KLK12: variants seen among roughly 807,000 people sequenced by gnomAD.
The protein encoded by KLK12 is kallikrein related peptidase 12.
Under a neutral mutation model 20.0 loss-of-function variants are expected in KLK12, and 23 were observed. The ratio of observed to expected loss-of-function variants is 1.15; its 90% CI spans 0.83 to 1.63. KLK12 has a LOEUF of 1.63. KLK12 is among the 40% of genes most tolerant of loss of function. The pLI is 0.00. For synonymous variants in KLK12, 147 were observed against 141.9 expected (o/e 1.04, Z -0.25); for missense variants, 351 against 338.6 (o/e 1.04, Z -0.29).
Position 51,032,114 on chromosome 19 carries a change from C to G in KLK12, c.219G>C (p.Gly73=). 6.2e-7 allele frequency: 1 copy of G among 1,603,102 alleles called. No homozygotes were observed. The highest frequency in any genetic ancestry group is 1.1e-5 in the South Asian group (1 of 90,252). ...CSGSRYWVRL[G]EHSLSQLDWT... ...AGTCGAGCTGGCTGAGGCTGTGTTC[C>G]CCCAGGCGCACCCAGTACCTGCTGC... Residue 73 remains glycine, a synonymous_variant, in exon 4 of 6, where the codon GGG becomes GGC. Transcript: ENST00000684732.
chr19:51,034,649 A>AG lies in KLK12; in HGVS notation c.-19-10_-19-9insC, dbSNP rs749670490. Reference sequence around the variant, plus strand: ...TGGGTCACTTCCAAAGTCTGGGGGAAAAGGGGAATCTCAGAGGTCACCCTT... The same window carrying AG: ...TGGGTCACTTCCAAAGTCTGGGGGAAGAAGGGGAATCTCAGAGGTCACCCTT... On this transcript the variant is annotated splice_polypyrimidine_tract_variant and intron_variant, in intron 1 of 5. Transcript: ENST00000684732. 42 of 1,605,554 alleles carry AG rather than the reference A, an allele frequency of 2.6e-5. No homozygotes were observed. The highest frequency in any genetic ancestry group is 1.6e-5 in the Non-Finnish European group (19 of 1,176,406).
In KLK12 at chr19:51,031,879, G is replaced by T; in HGVS notation, c.454C>A (p.Arg152=). The T allele has an allele frequency of 1.9e-6, 3 of 1,613,550 alleles. No homozygotes were observed. The highest frequency in any genetic ancestry group is 1.1e-5 in the South Asian group (1 of 91,068). ...CCCCTGGCCCTGGGCCCCTTACTCCGTGGGTGGTTGGTGATGCCCCAGCCT... is the reference window on the plus strand; with the variant it reads ...CCCCTGGCCCTGGGCCCCTTACTCCTTGGGTGGTTGGTGATGCCCCAGCCT... ...VSGWGITNHP[R]NPFPDLLQCL... Residue 152 remains arginine (R), a synonymous_variant, in exon 4 of 6, where the codon CGG becomes AGG. Coordinates refer to ENST00000684732, the MANE Select transcript of KLK12 (RefSeq NM_001370125.1).
chr19:51,029,726 G>A (rs982893325), intron 5 of KLK12, among the ~76,000 whole-genome samples: 2 of 152,204 alleles, frequency 1.3e-5, no homozygotes, highest in African/African-American at 4.8e-5. Flanking sequence ...CCTGACCAAT[G>A]AGGAGAGAGA....
At chr19:51,033,658 C>G (rs1431874120) in intron 3 of KLK12, among the ~76,000 whole-genome samples, 1 of 152,102 alleles carries the variant, frequency 6.6e-6, no homozygotes, top group Non-Finnish European at 1.5e-5. Context: ...TTGGGTGAGA[C>G]CTGGGCCCCG....
At chr19:51,031,302 C>T (rs1193384263) in intron 4 of KLK12, among the ~76,000 whole-genome samples, 1 of 152,006 alleles carries the variant, frequency 6.6e-6, no homozygotes, top group Non-Finnish European at 1.5e-5. Context: ...CCCCATGTCC[C>T]TGTCTTTACC....
intron 3 of KLK12, among the ~76,000 whole-genome samples, chr19:51,033,220 CAAA>C (rs11285439): frequency 9.1e-5 from 10 of 109,892 alleles, no homozygotes; most frequent in East Asian, 2.4e-4. Context: ...ACTCTGTCTC[CAAA>C]AAAAAAAAAA....
intron 4 of KLK12, among the ~76,000 whole-genome samples, chr19:51,031,274 A>G (rs186012013): frequency 6.6e-6 from 1 of 151,976 alleles, no homozygotes; most frequent in African/African-American, 2.4e-5. Flanking sequence ...GCTTGATCTC[A>G]TATCTTCTGT....
In KLK12 at chr19:51,033,572, C is replaced by T. The variant is rs141651701; in HGVS notation, c.197+408G>A. Reference sequence around the variant, plus strand: ...CAGAGACAGCAGTGAGCTGTGATCACGCCATTGCACAGCAGCCTGGGCGAC... The same window carrying T: ...CAGAGACAGCAGTGAGCTGTGATCATGCCATTGCACAGCAGCCTGGGCGAC... On this transcript the variant is annotated intron_variant, in intron 3 of 5. Coordinates refer to ENST00000684732, the MANE Select transcript of KLK12 (RefSeq NM_001370125.1). Among the ~76,000 whole-genome samples, 14 of 152,158 alleles carry T rather than the reference C, an allele frequency of 9.2e-5. No homozygotes were observed. In the East Asian group the frequency reaches 2.7e-3, roughly 29 times the overall value.
Position 51,029,154 on chromosome 19 carries a change from C to G in KLK12, c.*148G>C. 4 of 1,614,008 alleles carry G rather than the reference C, an allele frequency of 2.5e-6. No individual in the cohort carries two copies. Among genetic ancestry groups the G allele is most frequent in the Non-Finnish European group, 3.4e-6 (4 of 1,179,944 alleles). On this transcript the variant is annotated 3_prime_UTR_variant, in exon 6 of 6. Transcript: ENST00000684732. ...CACTTCTCTCACCCCGCTCGTGGGTCTTAGAAGGGCTGGCAGGAGTTAAAG... is the reference window on the plus strand; with the variant it reads ...CACTTCTCTCACCCCGCTCGTGGGTGTTAGAAGGGCTGGCAGGAGTTAAAG...
Position 51,034,158 on chromosome 19 carries a change from A to G in KLK12, c.38-19T>C. On this transcript the variant is annotated intron_variant, in intron 2 of 5. Transcript: ENST00000684732. Reference sequence around the variant, plus strand: ...CTGAGCCCTGGAGACAGACAGGGGCATGGGTCAGAGAGAGGAAGAAAAGAT... The same window carrying G: ...CTGAGCCCTGGAGACAGACAGGGGCGTGGGTCAGAGAGAGGAAGAAAAGAT... 6.4e-7 allele frequency: 1 copy of G among 1,551,590 alleles called. No homozygotes were observed.
At position 51,029,140 on chromosome 19, in the gene KLK12, C is replaced by A; in HGVS notation, c.*162G>T. On this transcript the variant is annotated 3_prime_UTR_variant, in exon 6 of 6. Transcript: ENST00000684732. ...TCCAGACTATTGCACACTTCTCTCA[C>A]CCCGCTCGTGGGTCTTAGAAGGGCT... 6.2e-7 allele frequency: 1 copy of A among 1,613,522 alleles called. No individual in the cohort carries two copies. Among genetic ancestry groups the A allele is most frequent in the South Asian group, 1.1e-5 (1 of 91,060 alleles).
intron 5 of KLK12, among the ~76,000 whole-genome samples, chr19:51,030,267 G>T (rs2091542255): frequency 6.7e-6 from 1 of 149,114 alleles, no homozygotes. Context: ...CCATTCCCCG[G>T]TCCTCCCTTT....
In KLK12 at chr19:51,029,354, G is replaced by T. The variant is rs774412030; in HGVS notation, c.695C>A (p.Thr232Asn). ...CCAGTCCACATACTTGCAAATATAGGTGTAGACTCCAGGGATGCCATCTTG... is the reference window on the plus strand; with the variant it reads ...CCAGTCCACATACTTGCAAATATAGTTGTAGACTCCAGGGATGCCATCTTG... Reference protein sequence around the residue: ...CGQDGIPGVYTYICKYVDWIR... With the variant: ...CGQDGIPGVYNYICKYVDWIR... The change falls in exon 6 of 6, where the codon ACC becomes AAC. Residue 232 changes from threonine (T) to asparagine (N), a missense_variant. Transcript: ENST00000684732. The T allele has an allele frequency of 6.2e-7, 1 of 1,613,912 alleles. No individual in the cohort carries two copies. Among genetic ancestry groups the T allele is most frequent in the Non-Finnish European group, 8.5e-7 (1 of 1,179,982 alleles).
chr19:51,030,902 G>A lies in KLK12; in HGVS notation c.477C>T (p.Leu159=), dbSNP rs1374883441. Residue 159 remains leucine, a synonymous_variant, in exon 5 of 6, where the codon CTC becomes CTT. Coordinates refer to ENST00000684732, the MANE Select transcript of KLK12 (RefSeq NM_001370125.1). ...AGACGATGGAGAGGTTGAGGCACTG[G>A]AGCAGATCCGGGAATGGGTCTGGAG... is the stretch of plus-strand genomic sequence containing the variant. ...NHPRNPFPDL[L]QCLNLSIVSH... is the part of the protein sequence containing the mutation. 9 of 1,614,150 alleles carry A rather than the reference G, an allele frequency of 5.6e-6. No homozygotes were observed. The highest frequency in any genetic ancestry group is 7.6e-6 in the Non-Finnish European group (9 of 1,180,028).
At chr19:51,032,445 G>T (rs1256250879) in intron 3 of KLK12, among the ~76,000 whole-genome samples, 1 of 144,122 alleles carries the variant, frequency 6.9e-6, no homozygotes, top group Admixed American at 7.0e-5. Flanking sequence ...GGAGTGCAGT[G>T]GCACCATCTT....
At chr19:51,029,822 C>G (rs1265828791) in intron 5 of KLK12, among the ~76,000 whole-genome samples, 1 of 152,020 alleles carries the variant, frequency 6.6e-6, no homozygotes, top group Non-Finnish European at 1.5e-5. Flanking sequence ...TGGCTGGGGC[C>G]CTGACCAATG....
intron 5 of KLK12, 34 bp from the exon 6 acceptor site, chr19:51,029,491 G>A (rs1330239475): frequency 2.6e-6 from 4 of 1,549,668 alleles, no homozygotes; most frequent in Non-Finnish European, 3.6e-6. Context: ...CTGAACAAGG[G>A]AGACATCTTA....
At chr19:51,029,522 C>T in intron 5 of KLK12, 65 bp from the exon 6 acceptor site, 1 of 1,359,632 alleles carries the variant, frequency 7.4e-7, no homozygotes, top group Non-Finnish European at 1.1e-6. Flanking sequence ...CCTCCCCAAC[C>T]CTTCAACCCA....
chr19:51,030,327 A>ATTAT (rs1415398574), intron 5 of KLK12, among the ~76,000 whole-genome samples: 1 of 137,578 alleles, frequency 7.3e-6, no homozygotes, highest in African/African-American at 2.7e-5. Flanking sequence ...CTCCATTATT[A>ATTAT]TTATTATTAT....
Sources: gnomAD v4.1 joint callset for allele counts (sites outside exome capture counted in the v4.1 genomes callset) on GRCh38, gnomAD v4.1.1 for gene constraint, MANE v1.5 for transcripts, NCBI Gene and HGNC (gene_info 2026-07-23, HGNC 2026-07-21) for gene names.